The following SHISA9 variants were observed in gnomAD, a reference collection of about 807,000 sequenced individuals.
The protein encoded by SHISA9 is shisa family member 9.
In SHISA9, 13 loss-of-function variants were observed where a neutral mutation model predicts 38.0. The ratio of observed to expected loss-of-function variants is 0.34; its 90% CI spans 0.22 to 0.54. The LOEUF is 0.54. Ranked by LOEUF, SHISA9 falls within the 20% of genes least tolerant of loss-of-function variation. The pLI is 0.91. For synonymous variants in SHISA9, 275 were observed against 242.0 expected, an observed-to-expected ratio of 1.14 and a Z score of -1.27; for missense variants, 538 against 575.8, an observed-to-expected ratio of 0.93 and a Z score of 0.67.
At chr16:13,149,067 G>T (rs1451311775) in intron 2 of SHISA9, among the ~76,000 whole-genome samples, 2 of 152,168 alleles carry the variant, frequency 1.3e-5, no homozygotes, top group Non-Finnish European at 2.9e-5. Context: ...ATTTACTGCT[G>T]TGGTGAAGGG....
chr16:13,316,015 TA>T, the SHISA9 span, among the ~76,000 whole-genome samples: 57 of 146,462 alleles, frequency 3.9e-4, no homozygotes, highest in African/African-American at 5.8e-4. Flanking sequence ...TCATTACAAT[TA>T]AAAAAAAAAA....
the SHISA9 span, among the ~76,000 whole-genome samples, chr16:13,362,371 T>C: frequency 1.3e-5 from 2 of 151,828 alleles, no homozygotes; most frequent in African/African-American, 4.8e-5. Context: ...GAGGCTGCAG[T>C]GAGCAGTGAT....
At chr16:13,327,272 G>A in the SHISA9 span, among the ~76,000 whole-genome samples, 1 of 152,104 alleles carries the variant, frequency 6.6e-6, no homozygotes, top group Non-Finnish European at 1.5e-5. Flanking sequence ...CATGAGTTGG[G>A]TCTTTTGGGG....
the SHISA9 span, among the ~76,000 whole-genome samples, chr16:13,277,403 T>G: frequency 6.6e-6 from 1 of 151,984 alleles, no homozygotes; most frequent in Non-Finnish European, 1.5e-5. Flanking sequence ...TGCAGGCTCT[T>G]TTTTGGTTCT....
chr16:13,547,344 C>A, the SHISA9 span, among the ~76,000 whole-genome samples: 1 of 151,760 alleles, frequency 6.6e-6, no homozygotes, highest in African/African-American at 2.4e-5. Context: ...GAAAACAGAA[C>A]CAATAACTAT....
the SHISA9 span, among the ~76,000 whole-genome samples, chr16:13,435,932 T>C: frequency 5.1e-4 from 78 of 152,270 alleles, 1 homozygote; most frequent in African/African-American, 1.6e-3. Context: ...AGGACTCATG[T>C]GAAGAAAATG....
the SHISA9 span, among the ~76,000 whole-genome samples, chr16:13,328,832 A>C: frequency 6.6e-6 from 1 of 152,194 alleles, no homozygotes; most frequent in South Asian, 2.1e-4. Context: ...TTAAGAAGAA[A>C]TTATTTAGGC....
At chr16:12,915,329 G>T (rs139847922) in intron 1 of SHISA9, among the ~76,000 whole-genome samples, 2 of 152,174 alleles carry the variant, frequency 1.3e-5, no homozygotes, top group Non-Finnish European at 2.9e-5. Flanking sequence ...GTAGCTGGGG[G>T]TGGTGGCATG....
At chr16:13,536,078 A>C in the SHISA9 span, among the ~76,000 whole-genome samples, 147 of 150,924 alleles carry the variant, frequency 9.7e-4, no homozygotes, top group African/African-American at 3.4e-3. Flanking sequence ...GGCTCACCGC[A>C]ACCTCCGCTT....
At chr16:13,259,645 T>A in the SHISA9 span, among the ~76,000 whole-genome samples, 14 of 152,240 alleles carry the variant, frequency 9.2e-5, no homozygotes, top group African/African-American at 3.1e-4. Context: ...TTTTGACTTC[T>A]GTGTATCCAC....
chr16:13,081,325 C>T (rs915598255), intron 2 of SHISA9, among the ~76,000 whole-genome samples: 8 of 152,036 alleles, frequency 5.3e-5, no homozygotes, highest in East Asian at 1.9e-4. Flanking sequence ...TCATTTAGCA[C>T]GGGAAGATGA....
chr16:13,064,610 A>G (rs2073412725), intron 2 of SHISA9, among the ~76,000 whole-genome samples: 1 of 152,178 alleles, frequency 6.6e-6, no homozygotes, highest in African/African-American at 2.4e-5. Context: ...TTCCAGTTCA[A>G]TACCACTAGT....
chr16:13,034,784 C>G (rs1024050812), intron 2 of SHISA9, among the ~76,000 whole-genome samples: 2 of 152,144 alleles, frequency 1.3e-5, no homozygotes, highest in Non-Finnish European at 2.9e-5. Flanking sequence ...CTGTTTTGTA[C>G]CTCTGCCATT....
intron 2 of SHISA9, among the ~76,000 whole-genome samples, chr16:13,182,543 G>C (rs1250066867): frequency 6.6e-6 from 1 of 152,198 alleles, no homozygotes; most frequent in Non-Finnish European, 1.5e-5. Flanking sequence ...TGTAGTAAAT[G>C]TTGGGATTTC....
At chr16:13,386,680 A>G in the SHISA9 span, among the ~76,000 whole-genome samples, 2 of 152,192 alleles carry the variant, frequency 1.3e-5, no homozygotes, top group Non-Finnish European at 2.9e-5. Flanking sequence ...GTTTTATACA[A>G]ACGATGTTAT....
intron 2 of SHISA9, among the ~76,000 whole-genome samples, chr16:13,120,947 C>A (rs1039801115): frequency 6.6e-6 from 1 of 152,060 alleles, no homozygotes; most frequent in Non-Finnish European, 1.5e-5. Context: ...TGATTCTGTT[C>A]ATATCAGCTT....
At chr16:13,557,023 C>T in the SHISA9 span, among the ~76,000 whole-genome samples, 1 of 152,118 alleles carries the variant, frequency 6.6e-6, no homozygotes, top group Non-Finnish European at 1.5e-5. Context: ...GTGACTGTAA[C>T]TTTCTTGGGA....
chr16:13,518,100 T>C, the SHISA9 span, among the ~76,000 whole-genome samples: 2 of 152,110 alleles, frequency 1.3e-5, no homozygotes, highest in South Asian at 4.1e-4. Context: ...TCCCTGCTTC[T>C]CCCCAAGCTG....
At chr16:12,966,246 T>G (rs889310944) in intron 2 of SHISA9, among the ~76,000 whole-genome samples, 16 of 152,334 alleles carry the variant, frequency 1.1e-4, no homozygotes, top group Admixed American at 9.1e-4. Flanking sequence ...TTTGCTCACC[T>G]AGGGGACATC....
Sources: gnomAD v4.1 joint callset for allele counts (sites outside exome capture counted in the v4.1 genomes callset) on GRCh38, gnomAD v4.1.1 for gene constraint, MANE v1.5 for transcripts, NCBI Gene and HGNC (gene_info 2026-07-23, HGNC 2026-07-21) for gene names.